Variants in PPP2R2B observed in about 807,000 individuals in gnomAD.
PPP2R2B encodes serine/threonine-protein phosphatase 2A 55 kDa regulatory subunit B beta isoform.
In PPP2R2B, 5 loss-of-function variants were observed where a neutral mutation model predicts 46.0. The ratio of observed to expected loss-of-function variants is 0.11; its 90% CI spans 0.06 to 0.23. The LOEUF is 0.23. Ranked by LOEUF, PPP2R2B falls within the 10% of genes least tolerant of loss-of-function variation. The pLI is 1.00. For synonymous variants in PPP2R2B, 215 were observed against 206.7 expected, an observed-to-expected ratio of 1.04 and a Z score of -0.34; for missense variants, 367 against 575.0, an observed-to-expected ratio of 0.64 and a Z score of 3.70.
intron 1 of PPP2R2B, among the ~76,000 whole-genome samples, chr5:147,047,414 A>G (rs953967547): frequency 2.0e-5 from 3 of 152,130 alleles, no homozygotes; most frequent in African/African-American, 7.2e-5. Context: ...CCCCATGAAT[A>G]TGTATAATTA....
At chr5:146,815,314 C>A (rs975220181) in intron 2 of PPP2R2B, among the ~76,000 whole-genome samples, 2 of 152,224 alleles carry the variant, frequency 1.3e-5, no homozygotes, top group Non-Finnish European at 2.9e-5. Flanking sequence ...ACCCGGATTT[C>A]CTCTTCCAAT....
At chr5:146,857,846 C>T (rs1235853404) in intron 2 of PPP2R2B, among the ~76,000 whole-genome samples, 1 of 152,174 alleles carries the variant, frequency 6.6e-6, no homozygotes, top group African/African-American at 2.4e-5. Flanking sequence ...TGCCACCACA[C>T]CTGGCTAACT....
chr5:146,725,899 A>G (rs1037085903), intron 2 of PPP2R2B, among the ~76,000 whole-genome samples: 1 of 152,212 alleles, frequency 6.6e-6, no homozygotes, highest in Non-Finnish European at 1.5e-5. Context: ...CTAGCATGGC[A>G]CATGGGAAGC....
chr5:146,915,182 T>A (rs1763337563), intron 1 of PPP2R2B, among the ~76,000 whole-genome samples: 1 of 152,098 alleles, frequency 6.6e-6, no homozygotes, highest in Non-Finnish European at 1.5e-5. Context: ...TTTTCTTACA[T>A]CTAATTTTGC....
chr5:146,703,572 A>G (rs1779662609), intron 2 of PPP2R2B, among the ~76,000 whole-genome samples: 1 of 152,168 alleles, frequency 6.6e-6, no homozygotes, highest in East Asian at 1.9e-4. Flanking sequence ...AGCTTTTCCC[A>G]GTGTGAGCTC....
chr5:146,795,878 G>A (rs1193984072), intron 2 of PPP2R2B, among the ~76,000 whole-genome samples: 1 of 152,134 alleles, frequency 6.6e-6, no homozygotes, highest in South Asian at 2.1e-4. Context: ...AATGACCAGC[G>A]TAGTATCTGG....
chr5:147,041,171 G>T (rs200769633), intron 1 of PPP2R2B, among the ~76,000 whole-genome samples: 1 of 152,120 alleles, frequency 6.6e-6, no homozygotes, highest in African/African-American at 2.4e-5. Context: ...TGGGTTAACC[G>T]CTCTGCAAGA....
At position 146,940,681 on chromosome 5, in the gene PPP2R2B, G is replaced by A. The variant is rs373291805; in HGVS notation, c.79+114984C>T. 2.3e-4 allele frequency among the ~76,000 whole-genome samples: 35 copies of A among 152,122 alleles called. No homozygotes were observed. The South Asian group carries it at 4.2e-3, about 18-fold the overall frequency. The stretch of plus-strand genomic sequence containing the variant: ...ATAAACTTGATAGAATTGGGTTTCC[G>A]TCATTTGAAACTGCCCAAGTGCTTG... On this transcript the variant is annotated intron_variant, in intron 1 of 8. Transcript: ENST00000336640.
rs192042509 is a variant in PPP2R2B at position 147,070,191 on chromosome 5, A to G, written c.50+10868T>C. Among the ~76,000 whole-genome samples the G allele has an allele frequency of 3.3e-5, 5 of 152,266 alleles. No homozygotes were observed. The East Asian group carries it at 9.7e-4, about 29-fold the overall frequency. On this transcript the variant is annotated intron_variant, in intron 2 of 10. Coordinates refer to the PPP2R2B transcript ENST00000394413. ...ACCTCTGCACTAGAATGTGAGCTCC[A>G]TTAATACCACAGACCGTGGCTATTT...
At chr5:146,655,503 A>G (rs1448728958) in intron 5 of PPP2R2B, among the ~76,000 whole-genome samples, 2 of 152,200 alleles carry the variant, frequency 1.3e-5, no homozygotes. Flanking sequence ...ACACTTCAGC[A>G]GTTCCTCAGT....
chr5:146,689,637 C>T (rs1778718564), intron 5 of PPP2R2B, among the ~76,000 whole-genome samples: 1 of 152,136 alleles, frequency 6.6e-6, no homozygotes, highest in African/African-American at 2.4e-5. Context: ...CTGTCATATG[C>T]CCAAGGTCAC....
At chr5:146,816,485 A>G (rs932242555) in intron 2 of PPP2R2B, among the ~76,000 whole-genome samples, 2 of 152,244 alleles carry the variant, frequency 1.3e-5, no homozygotes, top group Non-Finnish European at 2.9e-5. Flanking sequence ...TCTATAATAG[A>G]GTTTATGCGC....
intron 1 of PPP2R2B, among the ~76,000 whole-genome samples, chr5:147,017,550 G>C (rs1257752246): frequency 6.6e-6 from 1 of 151,474 alleles, no homozygotes; most frequent in Non-Finnish European, 1.5e-5. Flanking sequence ...TAAAGCAGAG[G>C]AGGAGGAGCC....
At chr5:146,944,869 G>C (rs185245298) in intron 1 of PPP2R2B, among the ~76,000 whole-genome samples, 129 of 152,188 alleles carry the variant, frequency 8.5e-4, no homozygotes, top group Non-Finnish European at 1.5e-3. Flanking sequence ...TCTCTCAGAG[G>C]AGTCTAATAG....
At chr5:146,946,658 A>C (rs1764491903) in intron 1 of PPP2R2B, among the ~76,000 whole-genome samples, 1 of 152,108 alleles carries the variant, frequency 6.6e-6, no homozygotes. Context: ...AGAGTATATA[A>C]AATCTTTTCT....
At chr5:146,936,642 A>C (rs1012586847) in intron 1 of PPP2R2B, among the ~76,000 whole-genome samples, 2 of 151,998 alleles carry the variant, frequency 1.3e-5, no homozygotes, top group Non-Finnish European at 2.9e-5. Flanking sequence ...GAGGACATGC[A>C]CAAAGCACTA....
chr5:146,982,648 T>A (rs1008114607), intron 1 of PPP2R2B, among the ~76,000 whole-genome samples: 5 of 152,240 alleles, frequency 3.3e-5, no homozygotes, highest in Admixed American at 6.5e-5. Context: ...TCTCCAACTA[T>A]AATTATAGAT....
At chr5:146,925,452 A>G (rs921760805) in intron 1 of PPP2R2B, among the ~76,000 whole-genome samples, 1 of 152,144 alleles carries the variant, frequency 6.6e-6, no homozygotes, top group Non-Finnish European at 1.5e-5. Flanking sequence ...TGCAGTATGG[A>G]TGTGCTATTC....
chr5:146,850,232 T>G (rs1236958450), intron 2 of PPP2R2B, among the ~76,000 whole-genome samples: 1 of 152,178 alleles, frequency 6.6e-6, no homozygotes, highest in Admixed American at 6.5e-5. Context: ...ATATATTATG[T>G]ACATTTTGTG....
Sources: gnomAD v4.1 joint callset for allele counts (sites outside exome capture counted in the v4.1 genomes callset) on GRCh38, gnomAD v4.1.1 for gene constraint, MANE v1.5 for transcripts, NCBI Gene and HGNC (gene_info 2026-07-23, HGNC 2026-07-21) for gene names.